The following KIF13B variants were observed in gnomAD, a reference collection of about 807,000 sequenced individuals.
KIF13B encodes the protein kinesin-like protein KIF13B.
Under a neutral mutation model 222.0 loss-of-function variants are expected in KIF13B, and 127 were observed. The ratio of observed to expected loss-of-function variants is 0.57; its 90% CI spans 0.50 to 0.66. The LOEUF (loss-of-function observed/expected upper bound fraction) is 0.66. KIF13B is among the 30% of genes least tolerant of loss of function. KIF13B has a pLI of 0.00. For synonymous variants in KIF13B, 976 were observed against 919.0 expected, an observed-to-expected ratio of 1.06 and a Z score of -1.12; for missense variants, 2,173 against 2,379.0, an observed-to-expected ratio of 0.91 and a Z score of 1.80.
chr8:29,081,271 C>A (rs979479544), intron 37 of KIF13B, among the ~76,000 whole-genome samples: 1 of 152,250 alleles, frequency 6.6e-6, no homozygotes, highest in African/African-American at 2.4e-5. Flanking sequence ...GACAGGTGTG[C>A]ACCCTCCCCA....
intron 1 of KIF13B, chr8:29,249,914 T>C: frequency 1.6e-6 from 1 of 615,334 alleles, no homozygotes; most frequent in Non-Finnish European, 2.7e-6. Flanking sequence ...AAATCTGCTC[T>C]AGACTATCAC....
chr8:29,231,457 T>G (rs1167784580), intron 2 of KIF13B, among the ~76,000 whole-genome samples: 1 of 152,220 alleles, frequency 6.6e-6, no homozygotes, highest in African/African-American at 2.4e-5. Flanking sequence ...AGTGTGGCCA[T>G]GACTGGCCGA....
In KIF13B at chr8:29,180,177, T is replaced by C; in HGVS notation, c.647A>G (p.Asn216Ser). 6.2e-7 allele frequency: 1 copy of C among 1,614,002 alleles called. No individual in the cohort carries two copies. The highest frequency in any genetic ancestry group is 1.1e-5 in the South Asian group (1 of 91,090). Residue 216 changes from asparagine to serine, a missense_variant, in exon 8 of 40, where the codon AAC becomes AGC. Asn to Ser is a conservative substitution (Grantham distance 46, BLOSUM62 1). This residue lies in a region of KIF13B where 1,480 missense variants were observed against 1,722.8 expected (regional missense o/e 0.86). Coordinates refer to ENST00000524189, the MANE Select transcript of KIF13B (RefSeq NM_015254.4). ...TGCATGGGATCGGCTACTCTCCTCG[T>C]TCATGTTGGTTGCAGCAACTGTGCG... ...KSRTVAATNM[N>S]EESSRSHAVF...
intron 1 of KIF13B, among the ~76,000 whole-genome samples, chr8:29,253,884 A>T (rs907879292): frequency 6.6e-6 from 1 of 151,854 alleles, no homozygotes; most frequent in African/African-American, 2.4e-5. Context: ...AGAATAGCCA[A>T]AACAATCTTG....
At position 29,140,199 on chromosome 8, in the gene KIF13B, A is replaced by G; in HGVS notation, c.2485-8T>C. The G allele has an allele frequency of 6.2e-7, 1 of 1,613,334 alleles. No homozygotes were observed. The highest frequency in any genetic ancestry group is 8.5e-7 in the Non-Finnish European group (1 of 1,179,778). ...GTGCAGCCGACCTGCCACCTGCAGC[A>G]ATGAGGGAAGGCAGAAACATTTCTC... is the stretch of plus-strand genomic sequence containing the variant. On this transcript the variant is annotated splice_polypyrimidine_tract_variant and splice_region_variant and intron_variant, in intron 20 of 39. Transcript: ENST00000524189.
At chr8:29,142,998 G>C in intron 18 of KIF13B, among the ~76,000 whole-genome samples, 1 of 152,056 alleles carries the variant, frequency 6.6e-6, no homozygotes, top group Non-Finnish European at 1.5e-5. Flanking sequence ...GACCACAGGT[G>C]CATGCCAATA....
intron 22 of KIF13B, among the ~76,000 whole-genome samples, chr8:29,133,050 C>T (rs1810412987): frequency 6.6e-6 from 1 of 152,106 alleles, no homozygotes; most frequent in African/African-American, 2.4e-5. Context: ...GTTGTCTCCC[C>T]CTCTCTATCT....
intron 10 of KIF13B, among the ~76,000 whole-genome samples, chr8:29,171,455 T>C (rs934963437): frequency 6.6e-6 from 1 of 151,936 alleles, no homozygotes; most frequent in African/African-American, 2.4e-5. Context: ...AAACTGAAAA[T>C]GTTATAGAAG....
At chr8:29,174,197 G>A (rs576364786) in intron 10 of KIF13B, among the ~76,000 whole-genome samples, 2 of 152,122 alleles carry the variant, frequency 1.3e-5, no homozygotes, top group African/African-American at 4.8e-5. Context: ...CTGCCCATTT[G>A]ATCTCTAGAC....
chr8:29,170,983 G>A (rs1812212543), intron 10 of KIF13B, among the ~76,000 whole-genome samples: 1 of 152,152 alleles, frequency 6.6e-6, no homozygotes, highest in East Asian at 1.9e-4. Flanking sequence ...AAGACTGAAG[G>A]TTAAAAGTAT....
intron 2 of KIF13B, among the ~76,000 whole-genome samples, chr8:29,215,539 T>C (rs1013543451): frequency 6.6e-6 from 1 of 152,066 alleles, no homozygotes; most frequent in African/African-American, 2.4e-5. Context: ...AAATTCTTTT[T>C]TAATTAGCCA....
intron 2 of KIF13B, among the ~76,000 whole-genome samples, chr8:29,219,638 A>G (rs1464282817): frequency 6.6e-6 from 1 of 152,088 alleles, no homozygotes; most frequent in African/African-American, 2.4e-5. Context: ...CTATAGTCCC[A>G]GCAACTCGGG....
rs1320039476 is a variant in KIF13B at position 29,070,477 on chromosome 8, C to T, written c.*27G>A. On this transcript the variant is annotated 3_prime_UTR_variant, in exon 40 of 40. Coordinates refer to ENST00000524189, the MANE Select transcript of KIF13B (RefSeq NM_015254.4). This position sits in a 1 kb window ranked among gnomAD's most constrained non-coding sequence, Gnocchi z 4.1. ...GGGCTCAAAAGGGGCCGGGCACCCC[C>T]AGAAAAGTTCGCCCTAAGGCAGCGG... 3.1e-6 allele frequency: 5 copies of T among 1,606,292 alleles called. No homozygotes were observed. The Admixed American group carries it at 8.4e-5, about 27-fold the overall frequency.
chr8:29,247,388 AC>A (rs1816074363), intron 1 of KIF13B, among the ~76,000 whole-genome samples: 1 of 152,156 alleles, frequency 6.6e-6, no homozygotes. Context: ...GTCTCTAAAA[AC>A]AAAAATTTTT....
chr8:29,082,137 T>G (rs1250400637), intron 37 of KIF13B, among the ~76,000 whole-genome samples: 1 of 152,212 alleles, frequency 6.6e-6, no homozygotes, highest in Non-Finnish European at 1.5e-5. Context: ...TGAGCAAAAC[T>G]AGTCCCTGTG....
intron 1 of KIF13B, among the ~76,000 whole-genome samples, chr8:29,260,671 C>T (rs889544018): frequency 3.3e-5 from 5 of 151,576 alleles, no homozygotes; most frequent in African/African-American, 1.2e-4. Flanking sequence ...GGGTGGAGCA[C>T]AGTGGCACGA....
chr8:29,146,748 C>T (rs138674305), intron 17 of KIF13B, among the ~76,000 whole-genome samples: 1 of 152,190 alleles, frequency 6.6e-6, no homozygotes, highest in African/African-American at 2.4e-5. Flanking sequence ...AGCAGCCACA[C>T]AGCAAGCCGG....
At chr8:29,185,011 G>C (rs756797691) in intron 6 of KIF13B, among the ~76,000 whole-genome samples, 5 of 151,848 alleles carry the variant, frequency 3.3e-5, no homozygotes, top group Non-Finnish European at 7.4e-5. Context: ...TGTCACCCAG[G>C]CTGGGGTGCA....
At chr8:29,097,022 C>T (rs371824932) in intron 36 of KIF13B, among the ~76,000 whole-genome samples, 2 of 151,984 alleles carry the variant, frequency 1.3e-5, no homozygotes, top group Non-Finnish European at 2.9e-5. Flanking sequence ...GCAGGAACTA[C>T]GAGATGAGAT....
Sources: allele counts gnomAD v4.1 joint callset (sites outside exome capture counted in the v4.1 genomes callset), GRCh38; gene constraint gnomAD v4.1.1; regional missense constraint gnomAD v4.1.1; non-coding constraint Gnocchi (gnomAD v3.1); transcripts MANE v1.5; gene names NCBI Gene and HGNC (gene_info 2026-07-23, HGNC 2026-07-21).